CNTN3: variants seen among roughly 807,000 people sequenced by gnomAD.
CNTN3 encodes contactin 3, also known as contactin-3.
In CNTN3, 60 loss-of-function variants were observed where a neutral mutation model predicts 119.1. The ratio of observed to expected loss-of-function variants is 0.50; its 90% CI spans 0.41 to 0.62. The LOEUF is 0.62. Among genes scored for constraint, CNTN3 ranks in the 20% least tolerant of loss-of-function variants. The pLI, the probability that CNTN3 is intolerant of heterozygous loss-of-function variation, is 0.00. For synonymous variants in CNTN3, 450 were observed against 438.7 expected, an observed-to-expected ratio of 1.03 and a Z score of -0.32; for missense variants, 1,101 against 1,242.4, an observed-to-expected ratio of 0.89 and a Z score of 1.71.
At chr3:74,316,546 C>G (rs372321227) in intron 13 of CNTN3, among the ~76,000 whole-genome samples, 1 of 152,090 alleles carries the variant, frequency 6.6e-6, no homozygotes, top group South Asian at 2.1e-4. Flanking sequence ...ATATGTTCAC[C>G]ACAGTATTAT....
chr3:74,612,079 A>C (rs548817606), intron 1 of CNTN3, among the ~76,000 whole-genome samples: 1 of 152,350 alleles, frequency 6.6e-6, no homozygotes, highest in Non-Finnish European at 1.5e-5. Context: ...TCTATATACT[A>C]TTTCAGCATG....
chr3:74,281,683 A>G (rs894109090), intron 20 of CNTN3, among the ~76,000 whole-genome samples: 3 of 152,070 alleles, frequency 2.0e-5, no homozygotes, highest in Non-Finnish European at 4.4e-5. Flanking sequence ...TAAAAGTAAG[A>G]TTCTGGATCT....
chr3:74,503,737 G>A (rs903334011), intron 2 of CNTN3, among the ~76,000 whole-genome samples: 4 of 152,092 alleles, frequency 2.6e-5, no homozygotes, highest in Admixed American at 1.3e-4. Context: ...TGGATTCAAC[G>A]TAACATTCGG....
intron 11 of CNTN3, among the ~76,000 whole-genome samples, chr3:74,347,450 A>C (rs1313284576): frequency 6.6e-6 from 1 of 152,182 alleles, no homozygotes; most frequent in Non-Finnish European, 1.5e-5. Flanking sequence ...TCTGTTGCCC[A>C]AGCTGGTCTT....
At chr3:74,339,393 CT>C (rs1312389868) in intron 11 of CNTN3, among the ~76,000 whole-genome samples, 3 of 152,064 alleles carry the variant, frequency 2.0e-5, no homozygotes, top group Non-Finnish European at 4.4e-5. Flanking sequence ...CTTTTAATGA[CT>C]TTTTTGCTTC....
At chr3:74,471,065 T>C (rs940291987) in intron 4 of CNTN3, among the ~76,000 whole-genome samples, 2 of 151,902 alleles carry the variant, frequency 1.3e-5, no homozygotes, top group Admixed American at 6.6e-5. Context: ...TTAGTAGAGA[T>C]GGGGTTTCAT....
chr3:74,393,509 G>C (rs1209265840), intron 5 of CNTN3, among the ~76,000 whole-genome samples: 1 of 152,190 alleles, frequency 6.6e-6, no homozygotes, highest in Non-Finnish European at 1.5e-5. Context: ...GATTTGCAGA[G>C]GGAGTGTTAT....
chr3:74,561,129 A>T (rs1307478915), intron 1 of CNTN3, among the ~76,000 whole-genome samples: 1 of 151,938 alleles, frequency 6.6e-6, no homozygotes, highest in Non-Finnish European at 1.5e-5. Flanking sequence ...TACATATGTA[A>T]CAAACCTGCA....
chr3:74,454,013 G>A, intron 4 of CNTN3, among the ~76,000 whole-genome samples: 1 of 148,170 alleles, frequency 6.7e-6, no homozygotes. Flanking sequence ...GAGTTCTGTA[G>A]ATGTCTATTA....
At chr3:74,310,686 A>G (rs758610977) in intron 13 of CNTN3, among the ~76,000 whole-genome samples, 4 of 152,230 alleles carry the variant, frequency 2.6e-5, no homozygotes, top group Non-Finnish European at 5.9e-5. Flanking sequence ...CATCACTCCT[A>G]TTGTTTTTTA....
chr3:74,340,116 T>C (rs1703499088), intron 11 of CNTN3, among the ~76,000 whole-genome samples: 2 of 152,086 alleles, frequency 1.3e-5, no homozygotes, highest in Non-Finnish European at 1.5e-5. Flanking sequence ...TTAGTAGGTA[T>C]TGTAAGTAGA....
intron 1 of CNTN3, among the ~76,000 whole-genome samples, chr3:74,561,836 G>A (rs976476302): frequency 6.6e-6 from 1 of 152,044 alleles, no homozygotes; most frequent in Non-Finnish European, 1.5e-5. Context: ...GCAATGAATG[G>A]ATTCTTTAAA....
chr3:74,317,588 C>T (rs1424796857), intron 13 of CNTN3, among the ~76,000 whole-genome samples: 5 of 152,070 alleles, frequency 3.3e-5, no homozygotes, highest in African/African-American at 4.8e-5. Flanking sequence ...ATTTCTCCTT[C>T]ACTTATGAAG....
intron 13 of CNTN3, among the ~76,000 whole-genome samples, chr3:74,308,898 T>C (rs1403651813): frequency 6.6e-6 from 1 of 152,114 alleles, no homozygotes; most frequent in African/African-American, 2.4e-5. Flanking sequence ...ACCAAAATAA[T>C]AGTTACCTAG....
At chr3:74,443,718 A>G (rs969107343) in intron 4 of CNTN3, among the ~76,000 whole-genome samples, 16 of 151,986 alleles carry the variant, frequency 1.1e-4, no homozygotes, top group African/African-American at 3.9e-4. Flanking sequence ...TCAAGTCTCA[A>G]CTTAGGTGTT....
chr3:74,427,919 T>C lies in CNTN3; in HGVS notation c.359-2979A>G, dbSNP rs547096591. 2.0e-5 allele frequency among the ~76,000 whole-genome samples: 3 copies of C among 152,292 alleles called. No individual in the cohort carries two copies. In the South Asian group the frequency reaches 6.2e-4, roughly 32 times the overall value. On this transcript the variant is annotated intron_variant, in intron 4 of 22. Coordinates refer to ENST00000263665, the MANE Select transcript of CNTN3 (RefSeq NM_020872.3). ...GGCATAAATAAATGGAGACACATAC[T>C]ATGTACATGGATTGTTAGATTCAAC...
intron 13 of CNTN3, among the ~76,000 whole-genome samples, chr3:74,330,433 A>G (rs2106698139): frequency 6.6e-6 from 1 of 152,180 alleles, no homozygotes; most frequent in Non-Finnish European, 1.5e-5. Context: ...TTACTGATGC[A>G]TTTGTGATGA....
At chr3:74,460,636 T>A (rs990652369) in intron 4 of CNTN3, among the ~76,000 whole-genome samples, 1 of 151,552 alleles carries the variant, frequency 6.6e-6, no homozygotes, top group Non-Finnish European at 1.5e-5. Context: ...TGATCTTGTA[T>A]CCTGTGACCT....
chr3:74,558,792 T>C (rs1185042685), intron 1 of CNTN3, among the ~76,000 whole-genome samples: 1 of 151,740 alleles, frequency 6.6e-6, no homozygotes, highest in Non-Finnish European at 1.5e-5. Flanking sequence ...GACTAACCTT[T>C]CCAACGTGGT....
Sources: gnomAD v4.1 joint callset for allele counts (sites outside exome capture counted in the v4.1 genomes callset) on GRCh38, gnomAD v4.1.1 for gene constraint, MANE v1.5 for transcripts, NCBI Gene and HGNC (gene_info 2026-07-23, HGNC 2026-07-21) for gene names.